The following MRPL14 variants were observed in gnomAD, a reference collection of about 807,000 sequenced individuals.
MRPL14 encodes mitochondrial ribosomal protein L14, also known as large ribosomal subunit protein uL14m.
MRPL14 carries 8 observed loss-of-function variants against 10.9 expected under a neutral mutation model. The ratio of observed to expected loss-of-function variants is 0.74; its 90% CI spans 0.43 to 1.33. The LOEUF (loss-of-function observed/expected upper bound fraction) is 1.33. MRPL14 is among the 40% of genes most tolerant of loss of function. The probability of loss-of-function intolerance (pLI) is 0.01; values close to 1 mark genes in which losing one functional copy is unlikely to be tolerated. For synonymous variants in MRPL14, 82 were observed against 74.1 expected (o/e 1.11, Z -0.54); for missense variants, 179 against 194.5 (o/e 0.92, Z 0.47).
chr6:44,116,210 A>C (rs1161342619), intron 2 of MRPL14, among the ~76,000 whole-genome samples: 1 of 152,262 alleles, frequency 6.6e-6, no homozygotes, highest in Non-Finnish European at 1.5e-5. Flanking sequence ...TAATTAAAAA[A>C]ATTCCGTTTT....
At position 44,117,173 on chromosome 6, in the gene MRPL14, G is replaced by A. The variant is rs74788018; in HGVS notation, c.-18-544C>T. 4.8e-3 allele frequency among the ~76,000 whole-genome samples: 730 copies of A among 152,276 alleles called. 3 individuals are homozygous for A. Among genetic ancestry groups the A allele is most frequent in the Non-Finnish European group, 8.8e-3 (597 of 68,042 alleles). On this transcript the variant is annotated intron_variant, in intron 1 of 2. Coordinates refer to ENST00000372014, the MANE Select transcript of MRPL14 (RefSeq NM_032111.4). ...TCAAGGCCAGCAAAGCAAAGCCAAA[G>A]GCTGCTCTTGCCAAGTCAAAGACCA...
chr6:44,120,783 GTCCCCCA>G (rs1156425102), intron 1 of MRPL14, among the ~76,000 whole-genome samples: 1 of 152,184 alleles, frequency 6.6e-6, no homozygotes, highest in Non-Finnish European at 1.5e-5. Context: ...AGAAAGACAG[GTCCCCCA>G]TGGCTCTGAC....
intron 2 of MRPL14, 94 bp from the exon 3 acceptor site, chr6:44,114,303 G>A (rs747446708): frequency 2.3e-5 from 32 of 1,415,256 alleles, no homozygotes; most frequent in Non-Finnish European, 3.0e-5. Flanking sequence ...GAATGTACAT[G>A]TCAGCAACAC....
intron 1 of MRPL14, among the ~76,000 whole-genome samples, chr6:44,120,934 A>C (rs1776346041): frequency 6.6e-6 from 1 of 151,278 alleles, no homozygotes; most frequent in African/African-American, 2.4e-5. Flanking sequence ...GGCCCCCTGG[A>C]CTCACCTCCT....
intron 2 of MRPL14, among the ~76,000 whole-genome samples, chr6:44,114,676 T>C (rs1775667786): frequency 6.6e-6 from 1 of 152,158 alleles, no homozygotes; most frequent in African/African-American, 2.4e-5. Context: ...TGGCGCCATC[T>C]CAGCTCACTG....
intron 1 of MRPL14, among the ~76,000 whole-genome samples, chr6:44,122,334 C>T (rs575722321): frequency 1.1e-3 from 170 of 152,232 alleles, no homozygotes; most frequent in Non-Finnish European, 2.1e-3. Flanking sequence ...CCGCCTGCCT[C>T]GGCCTCCCAA....
Position 44,113,924 on chromosome 6 carries a change from A to C in MRPL14, c.357T>G (p.Ile119Met), listed in dbSNP as rs887707018. 1.2e-6 allele frequency: 2 copies of C among 1,610,746 alleles called. No homozygotes were observed. Among genetic ancestry groups the C allele is most frequent in the Non-Finnish European group, 1.7e-6 (2 of 1,177,182 alleles). The change falls in exon 3 of 3, where the codon ATT becomes ATG. Residue 119 changes from isoleucine (I) to methionine (M), a missense_variant. Ile to Met is a conservative substitution (Grantham distance 10). Coordinates refer to ENST00000372014, the MANE Select transcript of MRPL14 (RefSeq NM_032111.4). ...GCAGGCTGGTGGGGATGGGTGTCTT[A>C]ATTCGTGTCCCCACAGGGTTCCCGT... Reference protein sequence around the residue: ...EDNGNPVGTRIKTPIPTSLRK... With the variant: ...EDNGNPVGTRMKTPIPTSLRK...
intron 1 of MRPL14, among the ~76,000 whole-genome samples, chr6:44,124,461 GT>G (rs1562101878): frequency 6.6e-6 from 1 of 152,374 alleles, no homozygotes; most frequent in East Asian, 1.9e-4. Flanking sequence ...CTGCAGGATA[GT>G]TTGTTTACCA....
intron 1 of MRPL14, among the ~76,000 whole-genome samples, chr6:44,123,634 C>T (rs1256681577): frequency 6.6e-6 from 1 of 152,234 alleles, no homozygotes; most frequent in Non-Finnish European, 1.5e-5. Flanking sequence ...CATTTCTCAA[C>T]CCCATTTCAC....
intron 1 of MRPL14, among the ~76,000 whole-genome samples, chr6:44,121,173 T>C (rs1776368064): frequency 6.6e-6 from 1 of 152,024 alleles, no homozygotes; most frequent in Non-Finnish European, 1.5e-5. Flanking sequence ...CTCTGGATCT[T>C]GTGCACAGGA....
chr6:44,123,680 T>C (rs1052735491), intron 1 of MRPL14, among the ~76,000 whole-genome samples: 7 of 152,324 alleles, frequency 4.6e-5, no homozygotes, highest in Admixed American at 4.6e-4. Flanking sequence ...TGTCCTATAT[T>C]TGTTTATATA....
At chr6:44,121,897 C>A (rs1689074401) in intron 1 of MRPL14, among the ~76,000 whole-genome samples, 1 of 151,026 alleles carries the variant, frequency 6.6e-6, no homozygotes, top group Non-Finnish European at 1.5e-5. Context: ...CGAGATCACA[C>A]CACTGCACTC....
chr6:44,116,154 C>G (rs1004299610), intron 2 of MRPL14, among the ~76,000 whole-genome samples: 5 of 152,208 alleles, frequency 3.3e-5, no homozygotes, highest in African/African-American at 1.2e-4. Context: ...GGGTGTCACA[C>G]TTCTATCATG....
chr6:44,125,654 CAAAAAAAAAAA>C (rs56951374), intron 1 of MRPL14, among the ~76,000 whole-genome samples: 2 of 64,594 alleles, frequency 3.1e-5, no homozygotes, highest in Admixed American at 1.7e-4. Flanking sequence ...GAGACTGTCT[CAAAAAAAAAAA>C]AAAAAAAAAA....
chr6:44,124,979 T>G (rs1168939410), intron 1 of MRPL14, among the ~76,000 whole-genome samples: 1 of 152,066 alleles, frequency 6.6e-6, no homozygotes, highest in Admixed American at 6.6e-5. Flanking sequence ...TGGAGCAAAA[T>G]AGGTTTTAAA....
At position 44,113,649 on chromosome 6, in the gene MRPL14, G is replaced by T; in HGVS notation, c.*194C>A. On this transcript the variant is annotated 3_prime_UTR_variant, in exon 3 of 3. Transcript: ENST00000372014. ...GGTAAGCCACCTTTCAACTGCTTCA[G>T]TGTAATTTATTTTCCCACATCCCAG... 1 of 577,430 alleles carries T rather than the reference G, an allele frequency of 1.7e-6. No individual in the cohort carries two copies. Among genetic ancestry groups the T allele is most frequent in the Non-Finnish European group, 2.7e-6 (1 of 364,770 alleles). The allele number at this position is 577,430 out of a possible 1,614,324, so 35.8% of individuals were successfully genotyped here.
At chr6:44,118,379 A>G (rs1348329653) in intron 1 of MRPL14, among the ~76,000 whole-genome samples, 4 of 152,218 alleles carry the variant, frequency 2.6e-5, no homozygotes, top group South Asian at 4.1e-4. Flanking sequence ...ATGATGTCAT[A>G]TATCATTTTA....
chr6:44,122,578 GTTACATT>G (rs779458126), intron 1 of MRPL14, among the ~76,000 whole-genome samples: 15 of 152,130 alleles, frequency 9.9e-5, no homozygotes, highest in South Asian at 2.1e-4. Context: ...TGCCTGGCCG[GTTACATT>G]TTAAAGACCT....
chr6:44,117,705 C>T (rs1775983009), intron 1 of MRPL14, among the ~76,000 whole-genome samples: 1 of 152,020 alleles, frequency 6.6e-6, no homozygotes, highest in Non-Finnish European at 1.5e-5. Context: ...GCTCTGTCAC[C>T]CATGCTGGAA....
Sources: gnomAD v4.1 joint callset for allele counts (sites outside exome capture counted in the v4.1 genomes callset) on GRCh38, gnomAD v4.1.1 for gene constraint, MANE v1.5 for transcripts, NCBI Gene and HGNC (gene_info 2026-07-23, HGNC 2026-07-21) for gene names.